Variants in ZNF423 observed in about 807,000 individuals in gnomAD.
ZNF423 encodes the protein zinc finger protein 423.
In ZNF423, 12 loss-of-function variants were observed where a neutral mutation model predicts 95.8. The observed-to-expected ratio is 0.13, with a 90% CI of 0.08 to 0.20. The LOEUF (loss-of-function observed/expected upper bound fraction) is 0.20. Among genes scored for constraint, ZNF423 ranks in the 10% least tolerant of loss-of-function variants. The pLI, the probability that ZNF423 is intolerant of heterozygous loss-of-function variation, is 1.00. For synonymous variants in ZNF423, 749 were observed against 711.9 expected (o/e 1.05, Z -0.83); for missense variants, 1,316 against 1,737.1 (o/e 0.76, Z 4.31).
chr16:49,590,683 A>T (rs1431057544), intron 5 of ZNF423, among the ~76,000 whole-genome samples: 2 of 152,002 alleles, frequency 1.3e-5, no homozygotes, highest in African/African-American at 4.8e-5. Context: ...TTTCAAGGTG[A>T]CCCTGTTTCA....
chr16:49,700,230 G>GA (rs1186659614), intron 3 of ZNF423, among the ~76,000 whole-genome samples: 90 of 143,496 alleles, frequency 6.3e-4, no homozygotes, highest in African/African-American at 2.3e-3. Context: ...AGAAGAAGAA[G>GA]AAGAAAAAAA....
At chr16:49,567,702 A>C (rs569440448) in intron 5 of ZNF423, among the ~76,000 whole-genome samples, 10 of 152,240 alleles carry the variant, frequency 6.6e-5, no homozygotes, top group Non-Finnish European at 1.5e-4. Flanking sequence ...AATTAGGTGC[A>C]TGAGATGTCA....
intron 5 of ZNF423, among the ~76,000 whole-genome samples, chr16:49,573,467 C>G (rs1013083998): frequency 1.3e-5 from 2 of 152,110 alleles, no homozygotes; most frequent in African/African-American, 4.8e-5. Flanking sequence ...GCTGCAAAGT[C>G]CAAGAGCACA....
chr16:49,674,633 A>T (rs1466587736), intron 3 of ZNF423, among the ~76,000 whole-genome samples: 1 of 152,168 alleles, frequency 6.6e-6, no homozygotes, highest in Admixed American at 6.5e-5. Context: ...AGGGGTCCTC[A>T]AGGTGGGGTG....
At chr16:49,684,756 C>T (rs560885797) in intron 3 of ZNF423, among the ~76,000 whole-genome samples, 7 of 152,284 alleles carry the variant, frequency 4.6e-5, no homozygotes, top group Non-Finnish European at 7.4e-5. Flanking sequence ...AGCCCTGGGC[C>T]CCTCCACCAG....
chr16:49,802,033 T>C (rs1300119356), intron 1 of ZNF423, among the ~76,000 whole-genome samples: 2 of 152,086 alleles, frequency 1.3e-5, no homozygotes, highest in Non-Finnish European at 2.9e-5. Flanking sequence ...TTAATTTTTT[T>C]CAGATGCGTC....
At position 49,576,067 on chromosome 16, in the gene ZNF423, C is replaced by T. The variant is rs956468008; in HGVS notation, c.3601+50103G>A. Among the ~76,000 whole-genome samples, 8 of 152,176 alleles carry T rather than the reference C, an allele frequency of 5.3e-5. No homozygotes were observed. In the East Asian group the frequency reaches 9.6e-4, roughly 18 times the overall value. On this transcript the variant is annotated intron_variant, in intron 5 of 7. Coordinates refer to ENST00000563137, the MANE Select transcript of ZNF423 (RefSeq NM_001379286.1). ...GGGCTATTTCAAAGGTCAGTGTTCT[C>T]ATCTTACCCTGTTCATCCCGTTTCT...
In ZNF423 at chr16:49,635,675, T is replaced by C. The variant is rs755677164; in HGVS notation, c.3501A>G (p.Thr1167=). The C allele has an allele frequency of 1.9e-6, 3 of 1,578,876 alleles. No individual in the cohort carries two copies. The highest frequency in any genetic ancestry group is 2.2e-5 in the East Asian group (1 of 44,498). ...ETSGPRKGTQ[T]SPVPRKKTYQ... ...CTGCACTTACCCGGGGCACTGGCGATGTCTGGGTGCCTTTCCGGGGCCCAC... is the reference window on the plus strand; with the variant it reads ...CTGCACTTACCCGGGGCACTGGCGACGTCTGGGTGCCTTTCCGGGGCCCAC... The change falls in exon 4 of 8, where the codon ACA becomes ACG. Residue 1167 remains threonine, a synonymous_variant. Coordinates refer to ENST00000563137, the MANE Select transcript of ZNF423 (RefSeq NM_001379286.1). This position sits in a 1 kb window ranked among gnomAD's most constrained non-coding sequence, Gnocchi z 4.8.
intron 1 of ZNF423, among the ~76,000 whole-genome samples, chr16:49,852,319 G>A (rs1273794559): frequency 6.6e-6 from 1 of 152,162 alleles, no homozygotes; most frequent in African/African-American, 2.4e-5. Flanking sequence ...TTGCTAGAGA[G>A]AGAAAATTGA....
chr16:49,682,728 T>G (rs1018689153), intron 3 of ZNF423, among the ~76,000 whole-genome samples: 1 of 152,238 alleles, frequency 6.6e-6, no homozygotes, highest in African/African-American at 2.4e-5. Context: ...CCTGACTGTG[T>G]GGCCTTGGGC....
At chr16:49,811,902 C>T (rs2034759592) in intron 1 of ZNF423, among the ~76,000 whole-genome samples, 1 of 152,226 alleles carries the variant, frequency 6.6e-6, no homozygotes, top group Non-Finnish European at 1.5e-5. Flanking sequence ...TTCCGTTCCC[C>T]ATGCCCTGCT....
chr16:49,587,633 G>A (rs1936442451), intron 5 of ZNF423, among the ~76,000 whole-genome samples: 2 of 151,972 alleles, frequency 1.3e-5, no homozygotes, highest in African/African-American at 4.8e-5. Flanking sequence ...CATTGATGAG[G>A]GTTTTCAGAC....
chr16:49,674,713 G>C (rs1183201433), intron 3 of ZNF423, among the ~76,000 whole-genome samples: 8 of 152,210 alleles, frequency 5.3e-5, no homozygotes, highest in Non-Finnish European at 1.2e-4. Flanking sequence ...GGCGGAACGG[G>C]GCTGCAGCCA....
chr16:49,851,481 A>G (rs190105985), intron 1 of ZNF423, among the ~76,000 whole-genome samples: 3 of 152,336 alleles, frequency 2.0e-5, no homozygotes, highest in African/African-American at 7.2e-5. Flanking sequence ...AATTATTGCA[A>G]CTTTCTATTA....
intron 3 of ZNF423, among the ~76,000 whole-genome samples, chr16:49,692,459 C>T (rs1031662979): frequency 2.6e-5 from 4 of 152,174 alleles, no homozygotes; most frequent in African/African-American, 7.2e-5. Flanking sequence ...CCCAAACTGA[C>T]GTGGGACGAG....
At chr16:49,829,651 G>A (rs1271971321) in intron 1 of ZNF423, among the ~76,000 whole-genome samples, 1 of 152,122 alleles carries the variant, frequency 6.6e-6, no homozygotes, top group African/African-American at 2.4e-5. Flanking sequence ...GTTCACCACT[G>A]CATGCCCTAC....
chr16:49,699,313 G>T (rs937950465), intron 3 of ZNF423, among the ~76,000 whole-genome samples: 4 of 152,186 alleles, frequency 2.6e-5, no homozygotes, highest in Non-Finnish European at 4.4e-5. Flanking sequence ...AGAAAAGGGG[G>T]CTTTGCTACA....
intron 5 of ZNF423, among the ~76,000 whole-genome samples, chr16:49,556,607 C>G (rs531609033): frequency 4.5e-4 from 68 of 152,334 alleles, no homozygotes; most frequent in Admixed American, 1.3e-3. Flanking sequence ...CCCCCTACCC[C>G]TCTTGGCCAC....
intron 2 of ZNF423, among the ~76,000 whole-genome samples, chr16:49,760,788 C>A (rs1312815984): frequency 2.6e-5 from 4 of 151,938 alleles, no homozygotes; most frequent in Non-Finnish European, 4.4e-5. Flanking sequence ...CAGGACAGCA[C>A]CCCTAGGCGG....
Sources: allele counts gnomAD v4.1 joint callset (sites outside exome capture counted in the v4.1 genomes callset), GRCh38; gene constraint gnomAD v4.1.1; non-coding constraint Gnocchi (gnomAD v3.1); transcripts MANE v1.5; gene names NCBI Gene and HGNC (gene_info 2026-07-23, HGNC 2026-07-21).